The following CSMD1 variants were observed in gnomAD, a reference collection of about 807,000 sequenced individuals.
CSMD1 encodes CUB and sushi domain-containing protein 1.
A neutral mutation model predicts 417.5 loss-of-function variants in CSMD1; 213 were observed. The ratio of observed to expected loss-of-function variants is 0.51; its 90% CI spans 0.46 to 0.57. The LOEUF (loss-of-function observed/expected upper bound fraction) is 0.57. Ranked by LOEUF, CSMD1 falls within the 20% of genes least tolerant of loss-of-function variation. The pLI, the probability that CSMD1 is intolerant of heterozygous loss-of-function variation, is 0.00. For synonymous variants in CSMD1, 2,862 were observed against 1,736.8 expected, an observed-to-expected ratio of 1.65 and a Z score of -16.11; for missense variants, 6,923 against 4,529.7, an observed-to-expected ratio of 1.53 and a Z score of -15.17.
intron 4 of CSMD1, among the ~76,000 whole-genome samples, chr8:3,999,923 C>G (rs961853982): frequency 6.6e-6 from 1 of 152,120 alleles, no homozygotes. Flanking sequence ...TTTTTTAGAT[C>G]CCAAATTTAT....
chr8:4,096,065 G>C (rs887451494), intron 3 of CSMD1, among the ~76,000 whole-genome samples: 1 of 149,932 alleles, frequency 6.7e-6, no homozygotes, highest in Non-Finnish European at 1.5e-5. Flanking sequence ...TGTAACTACA[G>C]TGTTGTTTTA....
At chr8:4,173,710 G>C (rs1048088336) in intron 3 of CSMD1, among the ~76,000 whole-genome samples, 2 of 152,074 alleles carry the variant, frequency 1.3e-5, no homozygotes, top group Non-Finnish European at 2.9e-5. Flanking sequence ...AAATAATTCA[G>C]CAATCAATGA....
At chr8:4,441,095 G>GTTTTTTTTTTTTTTGTT (rs1798445391) in intron 2 of CSMD1, among the ~76,000 whole-genome samples, 1 of 51,296 alleles carries the variant, frequency 1.9e-5, no homozygotes, top group African/African-American at 6.7e-5. Flanking sequence ...TAATCAAAAG[G>GTTTTTTTTTTTTTTGTT]TTTTTTTTTT....
chr8:3,702,502 A>C (rs190404134), intron 7 of CSMD1, among the ~76,000 whole-genome samples: 2 of 152,330 alleles, frequency 1.3e-5, no homozygotes, highest in African/African-American at 4.8e-5. Flanking sequence ...TCAGAAGAAG[A>C]AGAAGAAATG....
Position 4,814,339 on chromosome 8 carries a change from A to G in CSMD1, c.86-176781T>C, listed in dbSNP as rs545193184. 1.7e-4 allele frequency among the ~76,000 whole-genome samples: 26 copies of G among 152,274 alleles called. No homozygotes were observed. The South Asian group carries it at 3.9e-3, about 23-fold the overall frequency. ...CAGTTCACTGCAACCTCTGCCTCAC[A>G]GGTTCAAGCAAATCTCCTGCCTCAG... On this transcript the variant is annotated intron_variant, in intron 1 of 69. Coordinates refer to ENST00000635120, the MANE Select transcript of CSMD1 (RefSeq NM_033225.6).
chr8:3,432,029 A>C (rs1031242827), intron 12 of CSMD1, among the ~76,000 whole-genome samples: 1 of 152,192 alleles, frequency 6.6e-6, no homozygotes, highest in African/African-American at 2.4e-5. Context: ...ATGTTCTGCT[A>C]AATTTTTGAA....
chr8:3,928,452 T>C (rs1208418453), intron 5 of CSMD1, among the ~76,000 whole-genome samples: 1 of 152,186 alleles, frequency 6.6e-6, no homozygotes, highest in East Asian at 1.9e-4. Flanking sequence ...AACTGCTGAA[T>C]TAATTCAATC....
intron 1 of CSMD1, among the ~76,000 whole-genome samples, chr8:4,661,412 G>A (rs773150040): frequency 2.6e-5 from 4 of 152,112 alleles, no homozygotes; most frequent in African/African-American, 9.7e-5. Context: ...TATAGGATTC[G>A]ATTTTTATAA....
chr8:2,984,768 T>A (rs1281772246), intron 54 of CSMD1, among the ~76,000 whole-genome samples: 1 of 152,212 alleles, frequency 6.6e-6, no homozygotes, highest in East Asian at 1.9e-4. Context: ...AAGCCCAGCA[T>A]CCCGTGCAAA....
chr8:3,955,538 G>A (rs1454303070), intron 5 of CSMD1, among the ~76,000 whole-genome samples: 1 of 152,244 alleles, frequency 6.6e-6, no homozygotes, highest in African/African-American at 2.4e-5. Flanking sequence ...GTCAGTAGAG[G>A]ATTTGGCGTC....
At chr8:4,690,080 A>G (rs1380828719) in intron 1 of CSMD1, among the ~76,000 whole-genome samples, 1 of 152,232 alleles carries the variant, frequency 6.6e-6, no homozygotes, top group African/African-American at 2.4e-5. Context: ...GAAGAGTTAC[A>G]AAGCCTTCTA....
chr8:4,577,108 C>T (rs1034099136), intron 2 of CSMD1, among the ~76,000 whole-genome samples: 4 of 151,986 alleles, frequency 2.6e-5, no homozygotes, highest in Admixed American at 6.6e-5. Context: ...ACATATATAA[C>T]GTGTATAATT....
chr8:4,123,328 C>G (rs1261679955), intron 3 of CSMD1, among the ~76,000 whole-genome samples: 1 of 152,182 alleles, frequency 6.6e-6, no homozygotes, highest in Non-Finnish European at 1.5e-5. Flanking sequence ...CAGATGCATG[C>G]CAATTAGTAG....
intron 5 of CSMD1, among the ~76,000 whole-genome samples, chr8:3,949,251 T>G (rs1048046156): frequency 6.6e-6 from 1 of 152,152 alleles, no homozygotes; most frequent in Non-Finnish European, 1.5e-5. Flanking sequence ...AAATACAATA[T>G]AATGTTATCA....
At chr8:4,822,676 A>T (rs1799588245) in intron 1 of CSMD1, among the ~76,000 whole-genome samples, 2 of 152,188 alleles carry the variant, frequency 1.3e-5, no homozygotes. Context: ...TTTATTTAAA[A>T]TATAATTAGC....
intron 5 of CSMD1, among the ~76,000 whole-genome samples, chr8:3,797,175 T>C (rs969929058): frequency 5.9e-5 from 9 of 151,942 alleles, no homozygotes; most frequent in African/African-American, 9.7e-5. Context: ...CAAAGTCTAT[T>C]CAACTTGAAA....
chr8:4,044,808 G>A (rs1250305078), intron 3 of CSMD1, among the ~76,000 whole-genome samples: 3 of 152,220 alleles, frequency 2.0e-5, no homozygotes, highest in African/African-American at 7.2e-5. Context: ...CACCCTGGAT[G>A]TGAACCATCC....
chr8:3,882,198 AAG>A (rs900043736), intron 5 of CSMD1, among the ~76,000 whole-genome samples: 26 of 152,266 alleles, frequency 1.7e-4, no homozygotes, highest in African/African-American at 5.3e-4. Flanking sequence ...ATCAACAAGA[AAG>A]AGAGAGACAA....
intron 3 of CSMD1, among the ~76,000 whole-genome samples, chr8:4,056,022 T>C (rs1798671512): frequency 6.6e-6 from 1 of 151,602 alleles, no homozygotes; most frequent in African/African-American, 2.4e-5. Flanking sequence ...TACACAGATT[T>C]CCTCCTGGGA....
Sources: allele counts gnomAD v4.1 joint callset (sites outside exome capture counted in the v4.1 genomes callset), GRCh38; gene constraint gnomAD v4.1.1; transcripts MANE v1.5; gene names NCBI Gene and HGNC (gene_info 2026-07-23, HGNC 2026-07-21).